The following NRXN1 variants were observed in gnomAD, a reference collection of about 807,000 sequenced individuals.
NRXN1 encodes the protein neurexin-1.
Under a neutral mutation model 150.9 loss-of-function variants are expected in NRXN1, and 39 were observed. The ratio of observed to expected loss-of-function variants is 0.26; its 90% CI spans 0.20 to 0.34. The LOEUF is 0.34. Ranked by LOEUF, NRXN1 falls within the 10% of genes least tolerant of loss-of-function variation. NRXN1 has a pLI of 1.00. For missense variants in NRXN1, 1,815 were observed against 1,949.9 expected, an observed-to-expected ratio of 0.93 and a Z score of 1.30; for synonymous variants, 924 against 757.0, an observed-to-expected ratio of 1.22 and a Z score of -3.62.
intron 15 of NRXN1, among the ~76,000 whole-genome samples, chr2:50,488,250 A>G (rs1362411681): frequency 6.6e-6 from 1 of 152,202 alleles, no homozygotes; most frequent in African/African-American, 2.4e-5. Flanking sequence ...ATATTTGTAT[A>G]ATGTGACTCT....
At chr2:50,047,074 A>G (rs892524269) in intron 21 of NRXN1, among the ~76,000 whole-genome samples, 1 of 152,154 alleles carries the variant, frequency 6.6e-6, no homozygotes, top group African/African-American at 2.4e-5. Context: ...GCATTTTCAA[A>G]AGGATAGTCT....
intron 18 of NRXN1, among the ~76,000 whole-genome samples, chr2:50,220,835 C>G (rs905122197): frequency 6.6e-6 from 1 of 151,944 alleles, no homozygotes; most frequent in Non-Finnish European, 1.5e-5. Context: ...TCTTGTAACA[C>G]CAAACAACCA....
At chr2:49,926,176 C>T (rs997557479) in intron 22 of NRXN1, 8 of 393,774 alleles carry the variant, frequency 2.0e-5, no homozygotes, top group Non-Finnish European at 3.1e-5. Context: ...AGCAGTACAA[C>T]AGTTATGACC....
intron 15 of NRXN1, among the ~76,000 whole-genome samples, chr2:50,476,531 C>T (rs1057128163): frequency 4.9e-5 from 7 of 142,566 alleles, no homozygotes; most frequent in African/African-American, 1.9e-4. Context: ...ACAGCATGGA[C>T]TTAGCCCGTC....
At chr2:50,566,433 T>G (rs974765753) in intron 8 of NRXN1, among the ~76,000 whole-genome samples, 2 of 148,756 alleles carry the variant, frequency 1.3e-5, no homozygotes, top group Non-Finnish European at 3.0e-5. Context: ...TTTTGTATTT[T>G]TAATAGATAC....
At chr2:50,168,143 C>G (rs1300833504) in intron 18 of NRXN1, among the ~76,000 whole-genome samples, 1 of 152,014 alleles carries the variant, frequency 6.6e-6, no homozygotes, top group African/African-American at 2.4e-5. Context: ...CATGTACAAA[C>G]AGTCTGGTGA....
In NRXN1 at chr2:51,027,561, T is replaced by G. The variant is rs1482407476; in HGVS notation, c.713A>C (p.Asp238Ala). ...CLNGGVCSVV[D>A]DQAVCDCSRT... is the part of the protein sequence containing the mutation. The stretch of plus-strand genomic sequence containing the variant: ...CGAGCAGTCGCACACGGCCTGGTCG[T>G]CCACCACGGAGCACACACCTCCGTT... The change falls in exon 2 of 23, where the codon GAC becomes GCC. Residue 238 changes from aspartate (D) to alanine (A), a missense_variant. Asp to Ala is a moderately radical substitution (Grantham distance 126). This residue lies in a region of NRXN1 where 554 missense variants were observed against 478.8 expected (regional missense o/e 1.16). Transcript: ENST00000401669. 2 of 1,597,004 alleles carry G rather than the reference T, an allele frequency of 1.3e-6. No individual in the cohort carries two copies. The highest frequency in any genetic ancestry group is 1.7e-6 in the Non-Finnish European group (2 of 1,168,442).
chr2:50,036,811 G>C (rs965385457), intron 21 of NRXN1, among the ~76,000 whole-genome samples: 4 of 152,096 alleles, frequency 2.6e-5, no homozygotes, highest in African/African-American at 9.7e-5. Flanking sequence ...CGGCCTTTTG[G>C]AGGATGGGGC....
chr2:50,629,130 C>T (rs553670753), intron 5 of NRXN1, among the ~76,000 whole-genome samples: 1 of 151,634 alleles, frequency 6.6e-6, no homozygotes, highest in Non-Finnish European at 1.5e-5. Context: ...AGCATATATC[C>T]AACAAAAAAT....
At chr2:49,980,084 G>A (rs563989342) in intron 21 of NRXN1, among the ~76,000 whole-genome samples, 1 of 151,964 alleles carries the variant, frequency 6.6e-6, no homozygotes, top group Non-Finnish European at 1.5e-5. Flanking sequence ...TAAAGAAATT[G>A]GGACTCAGAG....
chr2:50,435,617 G>A (rs1006646673), intron 17 of NRXN1, among the ~76,000 whole-genome samples: 14 of 152,094 alleles, frequency 9.2e-5, no homozygotes, highest in South Asian at 4.1e-4. Flanking sequence ...ACAGGCATGC[G>A]TCTTTATGGT....
chr2:50,274,877 C>G (rs2070231038), intron 17 of NRXN1, among the ~76,000 whole-genome samples: 1 of 152,044 alleles, frequency 6.6e-6, no homozygotes, highest in East Asian at 1.9e-4. Context: ...TGAACCAAGT[C>G]AAAATTTAAA....
intron 17 of NRXN1, among the ~76,000 whole-genome samples, chr2:50,271,763 T>G (rs186010585): frequency 6.6e-6 from 1 of 152,250 alleles, no homozygotes; most frequent in Admixed American, 6.5e-5. Context: ...AAATGTAAAC[T>G]TGCCTATTTT....
intron 22 of NRXN1, among the ~76,000 whole-genome samples, chr2:49,933,971 G>A (rs1464626445): frequency 6.6e-6 from 1 of 152,164 alleles, no homozygotes; most frequent in Non-Finnish European, 1.5e-5. Context: ...TTGCATTGTA[G>A]GGCATGTTGT....
intron 9 of NRXN1, among the ~76,000 whole-genome samples, chr2:50,544,274 T>C (rs6731542): frequency 0.29 from 43,837 of 151,704 alleles, 6,744 homozygotes; most frequent in East Asian, 0.51. Context: ...GGGTATAATG[T>C]AAAATGTAAA....
At chr2:50,462,399 TAGAA>T (rs1331624718) in intron 17 of NRXN1, among the ~76,000 whole-genome samples, 2 of 151,166 alleles carry the variant, frequency 1.3e-5, no homozygotes, top group East Asian at 2.0e-4. Context: ...CTAGGAAGAA[TAGAA>T]AGAAAGAACA....
intron 5 of NRXN1, among the ~76,000 whole-genome samples, chr2:50,718,637 A>G (rs1032789123): frequency 1.3e-5 from 2 of 152,212 alleles, no homozygotes; most frequent in African/African-American, 4.8e-5. Flanking sequence ...TTGCAGTATG[A>G]GGAAAATAAG....
At chr2:50,115,072 G>A (rs1573992651) in intron 18 of NRXN1, among the ~76,000 whole-genome samples, 1 of 151,632 alleles carries the variant, frequency 6.6e-6, no homozygotes, top group African/African-American at 2.4e-5. Flanking sequence ...ACTCTAGTGA[G>A]GGATGTTGAT....
intron 17 of NRXN1, among the ~76,000 whole-genome samples, chr2:50,411,356 G>T (rs2083153597): frequency 6.6e-6 from 1 of 152,126 alleles, no homozygotes; most frequent in Admixed American, 6.5e-5. Context: ...GGAGTGCAGT[G>T]GCGTGATCTC....
Sources: gnomAD v4.1 joint callset for allele counts (sites outside exome capture counted in the v4.1 genomes callset) on GRCh38, gnomAD v4.1.1 for gene constraint, gnomAD v4.1.1 regional missense constraint, MANE v1.5 for transcripts, NCBI Gene and HGNC (gene_info 2026-07-23, HGNC 2026-07-21) for gene names.